Variants in C12orf42 observed in about 807,000 individuals in gnomAD.
C12orf42 encodes the protein uncharacterized protein C12orf42.
A neutral mutation model predicts 21.6 loss-of-function variants in C12orf42; 25 were observed. The ratio of observed to expected loss-of-function variants is 1.16; its 90% CI spans 0.84 to 1.62. C12orf42 has a LOEUF of 1.62. Ranked by LOEUF, C12orf42 falls within the 40% of genes most tolerant of loss-of-function variation. The pLI, the probability that C12orf42 is intolerant of heterozygous loss-of-function variation, is 0.00. For missense variants in C12orf42, 483 were observed against 459.3 expected (o/e 1.05, Z -0.47); for synonymous variants, 174 against 175.0 (o/e 0.99, Z 0.05).
chr12:103,442,545 C>G (rs1212947788), intron 2 of C12orf42, among the ~76,000 whole-genome samples: 1 of 152,168 alleles, frequency 6.6e-6, no homozygotes, highest in Non-Finnish European at 1.5e-5. Flanking sequence ...CTGCTGCAAT[C>G]TAAATCAGCA....
At chr12:103,324,453 T>C (rs1365672487) in intron 4 of C12orf42, among the ~76,000 whole-genome samples, 1 of 152,148 alleles carries the variant, frequency 6.6e-6, no homozygotes, top group Non-Finnish European at 1.5e-5. Flanking sequence ...GAAAACAAAT[T>C]GGAAAGTATA....
chr12:103,164,631 A>G, the C12orf42 span: 1 of 434,888 alleles, frequency 2.3e-6, no homozygotes, highest in Non-Finnish European at 4.6e-6. Flanking sequence ...ACTTATACTA[A>G]TATTTTTAAG....
the C12orf42 span, among the ~76,000 whole-genome samples, chr12:103,563,766 C>G: frequency 6.6e-6 from 1 of 152,232 alleles, no homozygotes; most frequent in Non-Finnish European, 1.5e-5. Context: ...AAAAGGAAAG[C>G]AGCAAGAGTC....
the C12orf42 span, among the ~76,000 whole-genome samples, chr12:103,149,457 C>T: frequency 6.6e-6 from 1 of 152,160 alleles, no homozygotes; most frequent in Non-Finnish European, 1.5e-5. Flanking sequence ...CCTTTGCCTT[C>T]TGTAAATGTC....
chr12:103,249,062 A>G (rs1457029792), intron 10 of C12orf42, among the ~76,000 whole-genome samples: 4 of 152,024 alleles, frequency 2.6e-5, no homozygotes, highest in African/African-American at 4.8e-5. Flanking sequence ...GTGTTGCCAT[A>G]GAGATGACCA....
chr12:103,510,355 G>T, the C12orf42 span, among the ~76,000 whole-genome samples: 783 of 152,230 alleles, frequency 5.1e-3, 5 homozygotes, highest in African/African-American at 0.018. Context: ...TGGGGATTTG[G>T]GGGTAAGTGT....
At chr12:103,325,526 A>G (rs2040595823) in intron 4 of C12orf42, among the ~76,000 whole-genome samples, 1 of 152,240 alleles carries the variant, frequency 6.6e-6, no homozygotes, top group Non-Finnish European at 1.5e-5. Flanking sequence ...ATTCTCGATG[A>G]CAAGAAGGCT....
chr12:103,264,933 G>A (rs1246814540), downstream of C12orf42, among the ~76,000 whole-genome samples: 3 of 152,014 alleles, frequency 2.0e-5, no homozygotes, highest in Non-Finnish European at 2.9e-5. Context: ...AGTCAGTTTA[G>A]ACTCCTATAG....
rs79417289 is a variant in C12orf42, at chr12:103,275,373, G to A, written n.398+1777C>T. Among the ~76,000 whole-genome samples the A allele has an allele frequency of 0.011, 1,745 of 152,108 alleles. 94 individuals carry two copies. The East Asian group carries it at 0.19, about 16-fold the overall frequency. On this transcript the variant is annotated intron_variant and non_coding_transcript_variant, in intron 5 of 6. Transcript: ENST00000546526. The stretch of plus-strand genomic sequence containing the variant: ...TAAACACATTAATTTTGGAAAAAAT[G>A]TAAAAAGCCAATATTGACACAAGAA...
the C12orf42 span, among the ~76,000 whole-genome samples, chr12:103,138,383 AGT>A: frequency 6.6e-6 from 1 of 152,128 alleles, no homozygotes; most frequent in Admixed American, 6.5e-5. Flanking sequence ...GTTGCTTGAA[AGT>A]GTGTAGCTCT....
the C12orf42 span, among the ~76,000 whole-genome samples, chr12:103,109,247 C>A: frequency 6.6e-6 from 1 of 152,158 alleles, no homozygotes; most frequent in East Asian, 1.9e-4. Flanking sequence ...AGTAGACAAA[C>A]AGACCAATGA....
intron 10 of C12orf42, among the ~76,000 whole-genome samples, chr12:103,239,960 G>A (rs2033655472): frequency 6.6e-6 from 1 of 152,108 alleles, no homozygotes. Flanking sequence ...TATATTACCA[G>A]TAAACACCAC....
chr12:103,360,359 C>T (rs903440180), intron 4 of C12orf42, among the ~76,000 whole-genome samples: 1 of 151,674 alleles, frequency 6.6e-6, no homozygotes, highest in Non-Finnish European at 1.5e-5. Context: ...AGGATGACTC[C>T]TACCTCCAAC....
At chr12:103,498,809 G>T (rs1399817703), upstream of C12orf42, among the ~76,000 whole-genome samples, 1 of 142,358 alleles carries the variant, frequency 7.0e-6, no homozygotes, top group Admixed American at 7.5e-5. Context: ...CTTATAAATG[G>T]AAGCTGAACA....
At chr12:103,298,293 C>T (rs1208553801), downstream of C12orf42, among the ~76,000 whole-genome samples, 1 of 152,202 alleles carries the variant, frequency 6.6e-6, no homozygotes, top group African/African-American at 2.4e-5. Flanking sequence ...AAATCACAAG[C>T]ATTCCTATAC....
chr12:103,229,441 AAG>A, the C12orf42 span, among the ~76,000 whole-genome samples: 1 of 152,120 alleles, frequency 6.6e-6, no homozygotes, highest in Non-Finnish European at 1.5e-5. Flanking sequence ...AAGGTGAGGG[AAG>A]AGAGAGAATG....
At chr12:103,356,726 G>A (rs1248542968) in intron 4 of C12orf42, among the ~76,000 whole-genome samples, 2 of 151,954 alleles carry the variant, frequency 1.3e-5, no homozygotes, top group African/African-American at 4.8e-5. Flanking sequence ...TCTAACTGGT[G>A]TGAGATGGTA....
the C12orf42 span, among the ~76,000 whole-genome samples, chr12:103,549,780 A>G: frequency 6.6e-6 from 1 of 152,188 alleles, no homozygotes; most frequent in East Asian, 1.9e-4. Flanking sequence ...TCTTCCAGAC[A>G]TCTATACAAA....
At chr12:103,500,040 A>T (rs1955680642), upstream of C12orf42, among the ~76,000 whole-genome samples, 1 of 152,222 alleles carries the variant, frequency 6.6e-6, no homozygotes, top group Non-Finnish European at 1.5e-5. Flanking sequence ...GGCACGTCTA[A>T]GTTTGGATAT....
Sources: allele counts gnomAD v4.1 joint callset (sites outside exome capture counted in the v4.1 genomes callset), GRCh38; gene constraint gnomAD v4.1.1; transcripts MANE v1.5; gene names NCBI Gene and HGNC (gene_info 2026-07-23, HGNC 2026-07-21).